The following CDK14 variants were observed in gnomAD, a reference collection of about 807,000 sequenced individuals.
CDK14 encodes cyclin-dependent kinase 14.
A neutral mutation model predicts 60.7 loss-of-function variants in CDK14; 34 were observed. The ratio of observed to expected loss-of-function variants is 0.56; its 90% confidence interval spans 0.43 to 0.75. CDK14 has a LOEUF of 0.75. Among genes scored for constraint, CDK14 ranks in the 30% least tolerant of loss-of-function variants. The pLI, the probability that CDK14 is intolerant of heterozygous loss-of-function variation, is 0.00. For synonymous variants in CDK14, 197 were observed against 203.7 expected, an observed-to-expected ratio of 0.97 and a Z score of 0.28; for missense variants, 482 against 564.1, an observed-to-expected ratio of 0.85 and a Z score of 1.47.
At chr7:90,646,998 C>T (rs1330451530) in intron 2 of CDK14, among the ~76,000 whole-genome samples, 2 of 152,104 alleles carry the variant, frequency 1.3e-5, no homozygotes, top group Admixed American at 6.6e-5. Context: ...CACCTTTACC[C>T]TTGTTGCATT....
At chr7:90,892,000 A>G (rs1367738257) in intron 6 of CDK14, among the ~76,000 whole-genome samples, 1 of 152,240 alleles carries the variant, frequency 6.6e-6, no homozygotes, top group Non-Finnish European at 1.5e-5. Context: ...AATGTTAGGT[A>G]AAGAGAAACA....
intron 14 of CDK14, among the ~76,000 whole-genome samples, chr7:91,204,976 G>A (rs1011665613): frequency 5.9e-5 from 9 of 151,608 alleles, no homozygotes; most frequent in African/African-American, 1.7e-4. Flanking sequence ...CAACATCATC[G>A]ATCATTAGGG....
intron 9 of CDK14, among the ~76,000 whole-genome samples, chr7:90,980,647 A>C (rs1409836054): frequency 6.6e-6 from 1 of 152,128 alleles, no homozygotes; most frequent in Non-Finnish European, 1.5e-5. Flanking sequence ...TTTCTTGTAC[A>C]TTTTATCTCT....
chr7:90,795,895 C>T (rs1431994851), intron 5 of CDK14, among the ~76,000 whole-genome samples: 11 of 152,130 alleles, frequency 7.2e-5, no homozygotes, highest in Admixed American at 7.2e-4. Flanking sequence ...ACCAGTGTGA[C>T]AAGCAGGCCC....
intron 4 of CDK14, among the ~76,000 whole-genome samples, chr7:90,779,252 C>CA (rs1199203484): frequency 1.3e-5 from 2 of 151,716 alleles, no homozygotes; most frequent in Middle Eastern, 3.2e-3. Flanking sequence ...GACTCCGTCT[C>CA]AAAAAAAGAA....
intron 6 of CDK14, among the ~76,000 whole-genome samples, chr7:90,883,213 G>A (rs1447582131): frequency 3.3e-5 from 5 of 151,828 alleles, no homozygotes; most frequent in Non-Finnish European, 4.4e-5. Context: ...GACTAATAAA[G>A]AAGAAGAGGG....
intron 2 of CDK14, among the ~76,000 whole-genome samples, chr7:90,677,576 G>C (rs561914356): frequency 6.6e-6 from 1 of 152,060 alleles, no homozygotes; most frequent in South Asian, 2.1e-4. Flanking sequence ...TTCACTAAAG[G>C]AAGAAAACAC....
chr7:90,665,862 G>T (rs1035494750), intron 2 of CDK14, among the ~76,000 whole-genome samples: 1 of 152,116 alleles, frequency 6.6e-6, no homozygotes, highest in Non-Finnish European at 1.5e-5. Flanking sequence ...TAGCAAATCA[G>T]TTCTGATATA....
At chr7:91,026,226 C>T (rs1266041939) in intron 10 of CDK14, among the ~76,000 whole-genome samples, 10 of 151,984 alleles carry the variant, frequency 6.6e-5, no homozygotes, top group South Asian at 2.1e-4. Flanking sequence ...AGAGGCACAG[C>T]GGAGAGACAA....
intron 5 of CDK14, among the ~76,000 whole-genome samples, chr7:90,810,819 G>A (rs1313353349): frequency 1.3e-5 from 2 of 151,668 alleles, no homozygotes; most frequent in East Asian, 3.9e-4. Flanking sequence ...TTATACATCA[G>A]TAACAGACAA....
At chr7:90,770,360 G>A (rs557866829) in intron 4 of CDK14, among the ~76,000 whole-genome samples, 5 of 152,226 alleles carry the variant, frequency 3.3e-5, no homozygotes, top group Admixed American at 2.0e-4. Context: ...GTATATTAAC[G>A]TTATAGTCTG....
At chr7:90,708,632 C>G (rs1269981053) in intron 2 of CDK14, among the ~76,000 whole-genome samples, 2 of 152,106 alleles carry the variant, frequency 1.3e-5, no homozygotes, top group Non-Finnish European at 2.9e-5. Context: ...AGAGATGATT[C>G]ATTTAAACCA....
At chr7:90,902,378 A>G (rs1792537246) in intron 7 of CDK14, among the ~76,000 whole-genome samples, 1 of 152,144 alleles carries the variant, frequency 6.6e-6, no homozygotes, top group African/African-American at 2.4e-5. Context: ...ACAACATGTT[A>G]TGGGTATTAA....
chr7:90,857,720 A>G (rs1790871463), intron 5 of CDK14, among the ~76,000 whole-genome samples: 1 of 152,238 alleles, frequency 6.6e-6, no homozygotes, highest in Admixed American at 6.5e-5. Context: ...TGAGGGAGAC[A>G]CACTGGCTCT....
chr7:90,724,139 AT>A (rs369161256), intron 2 of CDK14, among the ~76,000 whole-genome samples: 1,659 of 144,008 alleles, frequency 0.012, 28 homozygotes, highest in African/African-American at 0.037. Flanking sequence ...CATGTTATCT[AT>A]TTTTTTTTTT....
intron 2 of CDK14, among the ~76,000 whole-genome samples, chr7:90,667,606 G>C (rs1801011024): frequency 6.7e-6 from 1 of 149,616 alleles, no homozygotes; most frequent in African/African-American, 2.5e-5. Flanking sequence ...GAGTCTTGCT[G>C]TCACCCAGGC....
chr7:90,788,631 C>T (rs1584893905), intron 4 of CDK14, among the ~76,000 whole-genome samples: 2 of 152,182 alleles, frequency 1.3e-5, no homozygotes, highest in Non-Finnish European at 1.5e-5. Flanking sequence ...TTTCCGCAAT[C>T]AGTTCAATGA....
At chr7:90,712,231 A>C (rs765223985) in intron 2 of CDK14, among the ~76,000 whole-genome samples, 4 of 151,956 alleles carry the variant, frequency 2.6e-5, no homozygotes, top group Non-Finnish European at 5.9e-5. Context: ...CATCACCACT[A>C]TCCATTTCCA....
rs148508069 is a variant in CDK14, at chr7:91,158,125, T to C, written c.*28+39917T>C. Among the ~76,000 whole-genome samples the C allele has an allele frequency of 5.4e-3, 796 of 147,974 alleles. 6 individuals are homozygous for C. The highest frequency in any genetic ancestry group is 0.029 in the Middle Eastern group (8 of 280). ...TAAATATTTATATATAAACAGTATA[T>C]ATACATTATATACATTATACATAAA... On this transcript the variant is annotated intron_variant, in intron 14 of 14. Coordinates refer to ENST00000380050, the MANE Select transcript of CDK14 (RefSeq NM_001287135.2).
Sources: allele counts gnomAD v4.1 joint callset (sites outside exome capture counted in the v4.1 genomes callset), GRCh38; gene constraint gnomAD v4.1.1; transcripts MANE v1.5; gene names NCBI Gene and HGNC (gene_info 2026-07-23, HGNC 2026-07-21).